The following GALM variants were observed in gnomAD, a reference collection of about 807,000 sequenced individuals.
GALM encodes galactose mutarotase.
GALM carries 43 observed loss-of-function variants against 37.4 expected under a neutral mutation model. The ratio of observed to expected loss-of-function variants is 1.15; its 90% CI spans 0.90 to 1.48. GALM has a LOEUF of 1.48. Among genes scored for constraint, GALM ranks in the 40% most tolerant of loss-of-function variants. The probability of loss-of-function intolerance (pLI) is 0.00; values close to 1 mark genes in which losing one functional copy is unlikely to be tolerated. For synonymous variants in GALM, 199 were observed against 170.6 expected, an observed-to-expected ratio of 1.17 and a Z score of -1.30; for missense variants, 456 against 419.1, an observed-to-expected ratio of 1.09 and a Z score of -0.77.
chr2:38,702,890 C>A (rs1184155520), intron 4 of GALM, among the ~76,000 whole-genome samples: 1 of 143,830 alleles, frequency 7.0e-6, no homozygotes, highest in Non-Finnish European at 1.5e-5. Flanking sequence ...TTGTTTTAAA[C>A]ACTATATATA....
intron 3 of GALM, among the ~76,000 whole-genome samples, chr2:38,689,444 T>C (rs1289596124): frequency 1.3e-5 from 2 of 152,130 alleles, no homozygotes; most frequent in South Asian, 4.1e-4. Context: ...TCAGGATGTG[T>C]GTGTTCCTGG....
chr2:38,676,216 GCATGTGCTAGGACCCATCCTTCT>G (rs1263092513), intron 2 of GALM, 150 bp downstream of exon 2: 1 of 709,744 alleles, frequency 1.4e-6, no homozygotes, highest in Non-Finnish European at 2.4e-6. Flanking sequence ...GGTGCAATGG[GCATGTGCTAGGACCCATCCTTCT>G]CTAGTTCATC....
At chr2:38,709,934 G>A (rs1666115227) in intron 4 of GALM, among the ~76,000 whole-genome samples, 2 of 152,130 alleles carry the variant, frequency 1.3e-5, no homozygotes, top group Non-Finnish European at 2.9e-5. Context: ...TTCTGAGCCC[G>A]ACTAGATAAA....
intron 2 of GALM, chr2:38,679,932 G>A: frequency 2.5e-6 from 1 of 404,578 alleles, no homozygotes; most frequent in Admixed American, 2.8e-5. Context: ...TGTAATCTTG[G>A]AGCCTCTAGG....
intron 2 of GALM, among the ~76,000 whole-genome samples, chr2:38,676,528 C>T (rs903356384): frequency 1.3e-5 from 2 of 152,136 alleles, no homozygotes; most frequent in African/African-American, 2.4e-5. Context: ...TCTGGGAGGC[C>T]GAGGTGGGCA....
chr2:38,711,691 C>A (rs1418913417), intron 4 of GALM, among the ~76,000 whole-genome samples: 1 of 52,742 alleles, frequency 1.9e-5, no homozygotes, highest in East Asian at 4.5e-4. Context: ...TTATCTGTCA[C>A]CATCACCATC....
chr2:38,667,527 G>T (rs544304042), intron 1 of GALM, among the ~76,000 whole-genome samples: 1 of 152,096 alleles, frequency 6.6e-6, no homozygotes, highest in Non-Finnish European at 1.5e-5. Context: ...CCAAGATTGC[G>T]CCACTGCACT....
At chr2:38,667,384 A>G (rs1664973193) in intron 1 of GALM, among the ~76,000 whole-genome samples, 1 of 147,032 alleles carries the variant, frequency 6.8e-6, no homozygotes. Flanking sequence ...CCTGGCCAGC[A>G]TGGTGAAACC....
chr2:38,667,729 T>A (rs1030827050), intron 1 of GALM, among the ~76,000 whole-genome samples: 7 of 149,586 alleles, frequency 4.7e-5, no homozygotes, highest in African/African-American at 1.7e-4. Flanking sequence ...CCCAGCTACT[T>A]GGGAGGCTGA....
At chr2:38,682,275 C>A in intron 3 of GALM, 1 of 454,900 alleles carries the variant, frequency 2.2e-6, no homozygotes, top group Non-Finnish European at 4.4e-6. Context: ...GATATCATAT[C>A]AGACAGAATA....
chr2:38,681,508 T>C (rs769491006), intron 3 of GALM, 22 bp downstream of exon 3: 41 of 1,590,702 alleles, frequency 2.6e-5, no homozygotes, highest in Non-Finnish European at 3.0e-5. Context: ...TGTTTCTTCT[T>C]TCCTGCTTCG....
chr2:38,675,543 T>TTGTGTGTGTGTGTG (rs1160196072), intron 1 of GALM, among the ~76,000 whole-genome samples: 5 of 33,638 alleles, frequency 1.5e-4, no homozygotes, highest in Non-Finnish European at 2.3e-4. Flanking sequence ...TTTTTTTTTT[T>TTGTGTGTGTGTGTG]TGTGTGTGTG....
At chr2:38,701,655 T>A (rs1665921725) in intron 4 of GALM, among the ~76,000 whole-genome samples, 1 of 152,208 alleles carries the variant, frequency 6.6e-6, no homozygotes, top group South Asian at 2.1e-4. Context: ...CCAGCAAGAC[T>A]TTTGTATTTT....
intron 1 of GALM, chr2:38,668,873 G>T (rs1213163133): frequency 6.6e-6 from 1 of 152,054 alleles, no homozygotes; most frequent in African/African-American, 2.4e-5. Flanking sequence ...TCCCAAAAAT[G>T]GTTTTGAGCC....
Position 38,733,727 on chromosome 2 carries a change from C to T in GALM, c.*162C>T. The T allele has an allele frequency of 1.6e-6, 1 of 638,582 alleles. No homozygotes were observed. Among genetic ancestry groups the T allele is most frequent in the East Asian group, 3.0e-5 (1 of 32,830 alleles). The allele number at this position is 638,582 out of a possible 1,614,324, so 39.6% of individuals were successfully genotyped here. ...CAGTCTGGGTATTGATTTCCTTTTCCAGTGACTGGCTCCAGGCCATGTCTA... is the reference window on the plus strand; with the variant it reads ...CAGTCTGGGTATTGATTTCCTTTTCTAGTGACTGGCTCCAGGCCATGTCTA... On this transcript the variant is annotated 3_prime_UTR_variant, in exon 7 of 7. Transcript: ENST00000272252.
At position 38,733,451 on chromosome 2, in the gene GALM, G is replaced by A. The variant is rs199571530; in HGVS notation, c.952-37G>A. On this transcript the variant is annotated intron_variant, in intron 6 of 6. Transcript: ENST00000272252. ...CCAAATGGTTAATGTTGCAGCCTGC[G>A]GTGTCAAGCATCACCTGTGTTGTTT... 5.0e-5 allele frequency: 77 copies of A among 1,549,592 alleles called. 1 individual carries two copies. Among genetic ancestry groups the A allele is most frequent in the Admixed American group, 2.7e-4 (16 of 59,902 alleles).
chr2:38,718,495 G>T (rs776636637), intron 4 of GALM, among the ~76,000 whole-genome samples: 16 of 151,672 alleles, frequency 1.1e-4, no homozygotes, highest in Middle Eastern at 3.2e-3. Flanking sequence ...CACTGCTCCC[G>T]GCCCAAGTAT....
In GALM at chr2:38,666,173, G is replaced by T; in HGVS notation, c.12G>T (p.Val4=). MAS[V]TRAVFGELPS... is the part of the protein sequence containing the mutation. ...GCCAAACTTTCCCTATGGCTTCGGT[G>T]ACCAGGGCCGTGTTTGGAGAGCTGC... The change falls in exon 1 of 7, where the codon GTG becomes GTT. Residue 4 remains valine, a synonymous_variant. Coordinates refer to ENST00000272252, the MANE Select transcript of GALM (RefSeq NM_138801.3). 1 of 1,612,492 alleles carries T rather than the reference G, an allele frequency of 6.2e-7. No individual in the cohort carries two copies. The highest frequency in any genetic ancestry group is 2.2e-5 in the East Asian group (1 of 44,844).
chr2:38,716,794 T>G (rs1313001959), intron 4 of GALM, among the ~76,000 whole-genome samples: 1 of 151,974 alleles, frequency 6.6e-6, no homozygotes, highest in Non-Finnish European at 1.5e-5. Context: ...CAGTGAGCTG[T>G]GATTGCACCT....
Sources: gnomAD v4.1 joint callset for allele counts (sites outside exome capture counted in the v4.1 genomes callset) on GRCh38, gnomAD v4.1.1 for gene constraint, MANE v1.5 for transcripts, NCBI Gene and HGNC (gene_info 2026-07-23, HGNC 2026-07-21) for gene names.